The following MGAT5 variants were observed in gnomAD, a reference collection of about 807,000 sequenced individuals.
MGAT5 encodes the protein alpha-1,6-mannosylglycoprotein 6-beta-N-acetylglucosaminyltransferase.
In MGAT5, 30 loss-of-function variants were observed where a neutral mutation model predicts 94.3. The observed-to-expected ratio is 0.32, with a 90% CI of 0.24 to 0.43. The LOEUF (loss-of-function observed/expected upper bound fraction) is 0.43. Ranked by LOEUF, MGAT5 falls within the 20% of genes least tolerant of loss-of-function variation. The pLI is 1.00. For synonymous variants in MGAT5, 310 were observed against 322.9 expected (o/e 0.96, Z 0.43); for missense variants, 691 against 905.5 (o/e 0.76, Z 3.04).
chr2:134,377,777 G>A (rs1452731481), intron 10 of MGAT5, among the ~76,000 whole-genome samples: 1 of 152,140 alleles, frequency 6.6e-6, no homozygotes, highest in Non-Finnish European at 1.5e-5. Flanking sequence ...TTCATGTTGA[G>A]TACTTTTTCC....
chr2:134,400,880 A>G (rs1683009356), intron 10 of MGAT5, among the ~76,000 whole-genome samples: 2 of 152,190 alleles, frequency 1.3e-5, no homozygotes, highest in Non-Finnish European at 2.9e-5. Flanking sequence ...CCACACAGGG[A>G]AACTCAAGTA....
chr2:134,426,951 T>C (rs1261567935), intron 13 of MGAT5, among the ~76,000 whole-genome samples: 1 of 152,216 alleles, frequency 6.6e-6, no homozygotes, highest in African/African-American at 2.4e-5. Flanking sequence ...TGAGCTCTAT[T>C]CTGACAGCTG....
In MGAT5 at chr2:134,268,189, A is replaced by G. The variant is rs1683830945; in HGVS notation, c.242-2197A>G. On this transcript the variant is annotated intron_variant, in intron 1 of 15. Transcript: ENST00000281923. The surrounding 1 kb of genome is among the most constrained non-coding windows in gnomAD (Gnocchi z 4.1). ...TGCCGAGGTTGAGAAATCCTGAGTT[A>G]AGTCACACTAGAGGGCCAGGGCTTC... Among the ~76,000 whole-genome samples, 1 of 152,212 alleles carries G rather than the reference A, an allele frequency of 6.6e-6. No homozygotes were observed. Among genetic ancestry groups the G allele is most frequent in the Admixed American group, 6.5e-5 (1 of 15,284 alleles).
chr2:134,316,645 G>A (rs1043558038), intron 2 of MGAT5, among the ~76,000 whole-genome samples: 10 of 151,922 alleles, frequency 6.6e-5, no homozygotes, highest in South Asian at 4.2e-4. Flanking sequence ...TAAAATGTAC[G>A]GTGATCAGAT....
intron 2 of MGAT5, among the ~76,000 whole-genome samples, chr2:134,297,153 T>C (rs1685722158): frequency 7.1e-6 from 1 of 140,956 alleles, no homozygotes; most frequent in Non-Finnish European, 1.5e-5. Context: ...GCCTTGATTG[T>C]GCCCCTACAG....
chr2:134,363,763 A>G (rs1680249466), intron 10 of MGAT5, among the ~76,000 whole-genome samples: 1 of 152,242 alleles, frequency 6.6e-6, no homozygotes, highest in Non-Finnish European at 1.5e-5. Flanking sequence ...GTAAAATGAA[A>G]GTCAGTCTAG....
At chr2:134,358,593 G>GGC (rs1679896962) in intron 9 of MGAT5, among the ~76,000 whole-genome samples, 1 of 152,014 alleles carries the variant, frequency 6.6e-6, no homozygotes, top group African/African-American at 2.4e-5. Context: ...GGCCCAGGCT[G>GGC]GCGCTGGGGT....
In MGAT5 at chr2:134,445,472, G is replaced by T. The variant is rs151264985; in HGVS notation, c.2028-3177G>T. On this transcript the variant is annotated intron_variant, in intron 15 of 15. Transcript: ENST00000281923. Reference sequence around the variant, plus strand: ...GCAGGAGGGAGGGGCGGGAGCAGCAGGTGAGACAGCAGCACTCGCCTCCTG... The same window carrying T: ...GCAGGAGGGAGGGGCGGGAGCAGCATGTGAGACAGCAGCACTCGCCTCCTG... Among the ~76,000 whole-genome samples, 5 of 152,252 alleles carry T rather than the reference G, an allele frequency of 3.3e-5. No individual in the cohort carries two copies. The East Asian group carries it at 7.7e-4, about 24-fold the overall frequency.
intron 1 of MGAT5, among the ~76,000 whole-genome samples, chr2:134,195,073 T>C (rs1679432169): frequency 6.6e-6 from 1 of 152,102 alleles, no homozygotes; most frequent in Non-Finnish European, 1.5e-5. Context: ...ATCTCAAATA[T>C]CCCCCAGAAC....
chr2:134,360,521 T>C (rs1423621585), intron 9 of MGAT5, among the ~76,000 whole-genome samples: 1 of 152,122 alleles, frequency 6.6e-6, no homozygotes, highest in Non-Finnish European at 1.5e-5. Context: ...CGTGCTTTAA[T>C]CACCATGTAA....
intron 1 of MGAT5, among the ~76,000 whole-genome samples, chr2:134,207,905 TG>T (rs1680097619): frequency 1.3e-5 from 2 of 152,242 alleles, no homozygotes; most frequent in Non-Finnish European, 2.9e-5. Context: ...CTTGTTGGTT[TG>T]TGTGTCATAA....
intron 1 of MGAT5, among the ~76,000 whole-genome samples, chr2:134,234,178 A>T (rs1681514097): frequency 6.6e-6 from 1 of 152,092 alleles, no homozygotes; most frequent in Non-Finnish European, 1.5e-5. Context: ...GTGATGAAGT[A>T]GTTGGGGGCT....
At chr2:134,426,960 T>C (rs1325759237) in intron 13 of MGAT5, among the ~76,000 whole-genome samples, 2 of 152,210 alleles carry the variant, frequency 1.3e-5, no homozygotes, top group Non-Finnish European at 2.9e-5. Context: ...TTCTGACAGC[T>C]GTAGGCCACT....
At chr2:134,441,670 C>A in intron 14 of MGAT5, 88 bp from the exon 15 acceptor site, 1 of 1,463,604 alleles carries the variant, frequency 6.8e-7, no homozygotes, top group Non-Finnish European at 9.3e-7. Context: ...TCCCAGTGTG[C>A]CGCCTCCATT....
At chr2:134,336,108 C>A in intron 4 of MGAT5, 109 bp from the exon 5 acceptor site, 1 of 787,146 alleles carries the variant, frequency 1.3e-6, no homozygotes, top group Non-Finnish European at 2.0e-6. Context: ...AAAAATAGCA[C>A]ATATTAATAT....
chr2:134,241,939 A>G (rs1681996320), intron 1 of MGAT5, among the ~76,000 whole-genome samples: 2 of 152,224 alleles, frequency 1.3e-5, no homozygotes, highest in African/African-American at 4.8e-5. Context: ...GAAGTCACTG[A>G]AGTACCCTGG....
Position 134,172,671 on chromosome 2 carries a change from C to T in MGAT5, c.-143+52380C>T, listed in dbSNP as rs753072713. Among the ~76,000 whole-genome samples the T allele has an allele frequency of 2.0e-4, 30 of 152,190 alleles. 1 individual carries two copies. Among genetic ancestry groups the T allele is most frequent in the Non-Finnish European group, 7.4e-5 (5 of 68,026 alleles). On this transcript the variant is annotated intron_variant, in intron 1 of 16. Transcript: ENST00000409645. ...AAAGTGCTGGGATTACAGGTGTGAG[C>T]CACCATGCCCAGCCAGTACTTCTTA...
intron 1 of MGAT5, among the ~76,000 whole-genome samples, chr2:134,247,796 A>G (rs1317162475): frequency 6.6e-6 from 1 of 152,186 alleles, no homozygotes; most frequent in East Asian, 1.9e-4. Flanking sequence ...ACACAATGCC[A>G]ATGGTAGAAC....
At chr2:134,295,193 T>C (rs1685602008) in intron 2 of MGAT5, among the ~76,000 whole-genome samples, 1 of 148,586 alleles carries the variant, frequency 6.7e-6, no homozygotes, top group Admixed American at 6.9e-5. Flanking sequence ...ATTTGATGGC[T>C]CTTCAGTGGT....
Sources: allele counts gnomAD v4.1 joint callset (sites outside exome capture counted in the v4.1 genomes callset), GRCh38; gene constraint gnomAD v4.1.1; non-coding constraint Gnocchi (gnomAD v3.1); transcripts MANE v1.5; gene names NCBI Gene and HGNC (gene_info 2026-07-23, HGNC 2026-07-21).